NUCKS1: variants seen among roughly 807,000 people sequenced by gnomAD.
NUCKS1 encodes nuclear casein kinase and cyclin dependent kinase substrate 1.
In NUCKS1, 2 loss-of-function variants were observed where a neutral mutation model predicts 33.0. That is an observed-to-expected ratio of 0.06 (90% CI 0.02 to 0.19). The LOEUF (loss-of-function observed/expected upper bound fraction) is 0.19, where lower values mean the gene tolerates loss of function less well. Ranked by LOEUF, NUCKS1 falls within the 10% of genes least tolerant of loss-of-function variation. The pLI, the probability that NUCKS1 is intolerant of heterozygous loss-of-function variation, is 1.00. For synonymous variants in NUCKS1, 106 were observed against 102.8 expected, an observed-to-expected ratio of 1.03 and a Z score of -0.19; for missense variants, 201 against 293.6, an observed-to-expected ratio of 0.68 and a Z score of 2.31.
At chr1:205,743,950 T>TA (rs1343361969) in intron 1 of NUCKS1, among the ~76,000 whole-genome samples, 1 of 152,208 alleles carries the variant, frequency 6.6e-6, no homozygotes, top group Non-Finnish European at 1.5e-5. Context: ...ATCACCTAGT[T>TA]AAGGGGAAAC....
At chr1:205,734,391 C>T (rs1012028970) in intron 1 of NUCKS1, among the ~76,000 whole-genome samples, 2 of 151,822 alleles carry the variant, frequency 1.3e-5, no homozygotes, top group Non-Finnish European at 2.9e-5. Flanking sequence ...TGAAAACAGC[C>T]AGAATGATCT....
At chr1:205,724,126 T>C (rs1015470248) in intron 3 of NUCKS1, 145 bp from the exon 4 acceptor site, 2 of 718,172 alleles carry the variant, frequency 2.8e-6, no homozygotes, top group Admixed American at 2.0e-5. Context: ...GAGTACTTTA[T>C]TTCCTTATTT....
intron 3 of NUCKS1, among the ~76,000 whole-genome samples, chr1:205,727,021 T>C (rs1653798080): frequency 6.6e-6 from 1 of 152,116 alleles, no homozygotes; most frequent in Admixed American, 6.6e-5. Context: ...TGGAGTGCAG[T>C]GGTGCAATCA....
chr1:205,744,631 T>TTTTTTTTG lies in NUCKS1; in HGVS notation c.17+5325_17+5326insCAAAAAAA, dbSNP rs1553253166. Among the ~76,000 whole-genome samples, 4 of 3,728 alleles carry TTTTTTTTG rather than the reference T, an allele frequency of 1.1e-3. 1 individual carries two copies. The Admixed American group carries it at 0.016, about 15-fold the overall frequency. The allele number at this position is 3,728 out of a possible 152,430, so 2.4% of individuals were successfully genotyped here. On this transcript the variant is annotated intron_variant, in intron 1 of 6. Coordinates refer to ENST00000367142, the MANE Select transcript of NUCKS1 (RefSeq NM_022731.5). ...GTGAAAATTCCTAAGTTCACTAGAGTTTTTTTTTTTTTTTTTTTGAGACGG... is the reference window on the plus strand; with the variant it reads ...GTGAAAATTCCTAAGTTCACTAGAGTTTTTTTTGTTTTTTTTTTTTTTTTTTGAGACGG...
intron 1 of NUCKS1, among the ~76,000 whole-genome samples, chr1:205,747,690 CTTTT>C (rs1206737449): frequency 1.3e-5 from 2 of 152,130 alleles, no homozygotes. Context: ...CCAACTTGTG[CTTTT>C]TTGTTTTTAA....
chr1:205,741,730 A>G (rs1361418594), intron 1 of NUCKS1, among the ~76,000 whole-genome samples: 1 of 152,250 alleles, frequency 6.6e-6, no homozygotes, highest in East Asian at 1.9e-4. Context: ...CTATAAGCAC[A>G]GAACTGTGTT....
chr1:205,748,762 C>T lies in NUCKS1; in HGVS notation c.17+1195G>A, dbSNP rs536145447. 9.5e-4 allele frequency among the ~76,000 whole-genome samples: 144 copies of T among 152,316 alleles called. 1 individual carries two copies. Among genetic ancestry groups the T allele is most frequent in the African/African-American group, 3.4e-3 (140 of 41,556 alleles). ...TCTAATTAAAGGTACTTCCGTTTCC[C>T]ACACAACTTGGAATGAAGGGGAAGC... On this transcript the variant is annotated intron_variant, in intron 1 of 6. Transcript: ENST00000367142.
chr1:205,742,158 A>C (rs1246579193), intron 1 of NUCKS1, among the ~76,000 whole-genome samples: 4 of 152,092 alleles, frequency 2.6e-5, no homozygotes, highest in Non-Finnish European at 5.9e-5. Flanking sequence ...TGAGTAGTTC[A>C]TTTTCTAAGT....
At position 205,719,910 on chromosome 1, in the gene NUCKS1, G is replaced by A. The variant is rs554116390; in HGVS notation, c.383-234C>T. Among the ~76,000 whole-genome samples the A allele has an allele frequency of 2.0e-5, 3 of 152,294 alleles. No individual in the cohort carries two copies. In the South Asian group the frequency reaches 6.2e-4, roughly 32 times the overall value. ...ACATGAGTGATGTGTTTGAAAAGTA[G>A]ATTGAAAACAGGAAGGGTAAGAGTT... On this transcript the variant is annotated intron_variant, in intron 5 of 6. Transcript: ENST00000367142.
intron 1 of NUCKS1, among the ~76,000 whole-genome samples, chr1:205,748,816 G>A (rs529690232): frequency 1.3e-5 from 2 of 152,304 alleles, no homozygotes; most frequent in East Asian, 1.9e-4. Flanking sequence ...TAAAAACTAA[G>A]CCTTTATCTA....
intron 1 of NUCKS1, among the ~76,000 whole-genome samples, chr1:205,731,853 G>A (rs1208110125): frequency 2.0e-5 from 3 of 150,184 alleles, no homozygotes; most frequent in African/African-American, 2.5e-5. Flanking sequence ...CCAACATCAC[G>A]CCACTGCACT....
At position 205,718,470 on chromosome 1, in the gene NUCKS1, C is replaced by A; in HGVS notation, c.542G>T (p.Ser181Ile). Residue 181 changes from serine (S) to isoleucine (I), a missense_variant, in exon 7 of 7, where the codon AGT becomes ATT. Physicochemically the swap from Ser to Ile is moderately radical, Grantham distance 142 (BLOSUM62 -2). Coordinates refer to ENST00000367142, the MANE Select transcript of NUCKS1 (RefSeq NM_022731.5). ...CACTTTCCCTTTGCCTTTCACTGGA[C>A]TTGGCGTCACTGAAAATAGAAAAAT... ...KPRLKATVTP[S>I]PVKGKGKVGR... 1 of 1,609,202 alleles carries A rather than the reference C, an allele frequency of 6.2e-7. No individual in the cohort carries two copies. Among genetic ancestry groups the A allele is most frequent in the Non-Finnish European group, 8.5e-7 (1 of 1,178,972 alleles).
rs12076781 is a variant in NUCKS1 at position 205,726,890 on chromosome 1, A to C, written c.173+810T>G. ...AAGGTCTTGTTACACCAAGTGTAAC[A>C]AGTTCATGTTACATCAAGTGTGAGA... is the stretch of plus-strand genomic sequence containing the variant. On this transcript the variant is annotated intron_variant, in intron 3 of 6. Coordinates refer to ENST00000367142, the MANE Select transcript of NUCKS1 (RefSeq NM_022731.5). 4.8e-3 allele frequency among the ~76,000 whole-genome samples: 727 copies of C among 152,318 alleles called. 4 individuals are homozygous for C. The highest frequency in any genetic ancestry group is 0.017 in the African/African-American group (695 of 41,560).
intron 1 of NUCKS1, among the ~76,000 whole-genome samples, chr1:205,746,170 C>G (rs1252924574): frequency 6.6e-6 from 1 of 151,936 alleles, no homozygotes; most frequent in Non-Finnish European, 1.5e-5. Flanking sequence ...GTAGTGGGCA[C>G]CTGTAATTCC....
At chr1:205,727,937 C>T in intron 2 of NUCKS1, 132 bp from the exon 3 acceptor site, 1 of 685,338 alleles carries the variant, frequency 1.5e-6, no homozygotes, top group Admixed American at 3.0e-5. Flanking sequence ...TAGTTTCTTT[C>T]ATCTTTAAAA....
At position 205,716,322 on chromosome 1, in the gene NUCKS1, C is replaced by T. The variant is rs1018567487; in HGVS notation, c.*1958G>A. On this transcript the variant is annotated 3_prime_UTR_variant, in exon 7 of 7. Transcript: ENST00000367142. Reference sequence around the variant, plus strand: ...ATGTAAGACTTAAAATTATAAACTCCTAAAAAATAGAAGTGCATGGTGGAA... The same window carrying T: ...ATGTAAGACTTAAAATTATAAACTCTTAAAAAATAGAAGTGCATGGTGGAA... 2 of 152,128 alleles carry T rather than the reference C, an allele frequency of 1.3e-5. No homozygotes were observed. The highest frequency in any genetic ancestry group is 6.5e-5 in the Admixed American group (1 of 15,276). The allele number at this position is 152,128 out of a possible 1,614,324, so 9.4% of individuals were successfully genotyped here.
chr1:205,721,566 A>C (rs1169901326), intron 4 of NUCKS1, among the ~76,000 whole-genome samples: 1 of 152,236 alleles, frequency 6.6e-6, no homozygotes, highest in Non-Finnish European at 1.5e-5. Flanking sequence ...GTCTTCCAAT[A>C]ATCTTTATTC....
Position 205,749,881 on chromosome 1 carries a change from C to T in NUCKS1, c.17+76G>A, listed in dbSNP as rs545303957. The T allele has an allele frequency of 6.4e-4, 942 of 1,480,972 alleles. 7 individuals are homozygous for T. Among genetic ancestry groups the T allele is most frequent in the Non-Finnish European group, 8.6e-5 (92 of 1,072,066 alleles). The allele number at this position is 1,480,972 out of a possible 1,614,324, so 91.7% of individuals were successfully genotyped here. A position where few individuals can be genotyped will look rare whatever the true frequency, so the allele number is the denominator to read the frequency against. On this transcript the variant is annotated intron_variant, in intron 1 of 6. Transcript: ENST00000367142. ...GGCACCGGGGATGGCGGACTCTAGCCTTCTGTCCCCCACTCTTTTCACCAC... is the reference window on the plus strand; with the variant it reads ...GGCACCGGGGATGGCGGACTCTAGCTTTCTGTCCCCCACTCTTTTCACCAC...
chr1:205,748,863 C>A (rs940479646), intron 1 of NUCKS1, among the ~76,000 whole-genome samples: 2 of 152,176 alleles, frequency 1.3e-5, no homozygotes, highest in Non-Finnish European at 2.9e-5. Context: ...GAAGCCAATT[C>A]CTTACATTAA....
Sources: allele counts gnomAD v4.1 joint callset (sites outside exome capture counted in the v4.1 genomes callset), GRCh38; gene constraint gnomAD v4.1.1; transcripts MANE v1.5; gene names NCBI Gene and HGNC (gene_info 2026-07-23, HGNC 2026-07-21).